SMOC1: variants seen among roughly 807,000 people sequenced by gnomAD.
The protein encoded by SMOC1 is SPARC related modular calcium binding 1, also known as SPARC-related modular calcium-binding protein 1.
In SMOC1, 22 loss-of-function variants were observed where a neutral mutation model predicts 56.3. That is an observed-to-expected ratio of 0.39 (90% confidence interval 0.28 to 0.56). SMOC1 has a LOEUF of 0.56. Among genes scored for constraint, SMOC1 ranks in the 20% least tolerant of loss-of-function variants. SMOC1 has a pLI of 0.61. For missense variants in SMOC1, 509 were observed against 565.4 expected (o/e 0.90, Z 1.01); for synonymous variants, 193 against 215.0 (o/e 0.90, Z 0.89).
intron 5 of SMOC1, among the ~76,000 whole-genome samples, chr14:69,987,123 G>A (rs1232130386): frequency 6.6e-6 from 1 of 152,242 alleles, no homozygotes; most frequent in African/African-American, 2.4e-5. Context: ...AGAATCACAT[G>A]TGGAGGGGGA....
At chr14:70,011,459 C>CGT in intron 8 of SMOC1, 26 bp from the exon 9 acceptor site, 1 of 1,326,800 alleles carries the variant, frequency 7.5e-7, no homozygotes, top group Non-Finnish European at 1.1e-6. Flanking sequence ...CCCCTCCCAA[C>CGT]CCCCCCCATA....
chr14:69,889,864 C>T (rs1252801371), intron 1 of SMOC1, among the ~76,000 whole-genome samples: 1 of 152,244 alleles, frequency 6.6e-6, no homozygotes, highest in East Asian at 1.9e-4. Flanking sequence ...TTGGCCAAAT[C>T]TTTCCTCATG....
chr14:69,965,287 A>C (rs1213855626), intron 3 of SMOC1, among the ~76,000 whole-genome samples: 2 of 150,544 alleles, frequency 1.3e-5, no homozygotes, highest in African/African-American at 5.0e-5. Context: ...AGGCTCAGGC[A>C]GGAGAATCGC....
intron 7 of SMOC1, among the ~76,000 whole-genome samples, chr14:70,008,996 C>G (rs1025642894): frequency 2.0e-5 from 3 of 152,200 alleles, no homozygotes; most frequent in African/African-American, 7.2e-5. Flanking sequence ...TGTCTCTTTC[C>G]TGTCTCTAGA....
intron 10 of SMOC1, among the ~76,000 whole-genome samples, chr14:70,020,121 A>G (rs1440103616): frequency 1.3e-5 from 2 of 150,794 alleles, no homozygotes; most frequent in Non-Finnish European, 2.9e-5. Context: ...ATTCCTCTAG[A>G]TCAAGGGTTT....
At chr14:69,981,705 A>G (rs1316273203) in intron 5 of SMOC1, among the ~76,000 whole-genome samples, 1 of 152,226 alleles carries the variant, frequency 6.6e-6, no homozygotes, top group African/African-American at 2.4e-5. Flanking sequence ...TTTGGTTTTC[A>G]CTGGAGTCAT....
chr14:69,967,850 C>T (rs1883626806), intron 3 of SMOC1, among the ~76,000 whole-genome samples: 1 of 152,176 alleles, frequency 6.6e-6, no homozygotes, highest in South Asian at 2.1e-4. Context: ...TGTTGCTTCT[C>T]AGCCAAACCT....
chr14:69,994,354 A>C, intron 6 of SMOC1, 46 bp from the exon 7 acceptor site: 3 of 1,453,998 alleles, frequency 2.1e-6, no homozygotes, highest in Non-Finnish European at 2.9e-6. Context: ...CCACTCACAT[A>C]GTCTCTTTGC....
rs115928226 is a variant in SMOC1 at position 69,993,490 on chromosome 14, A to T, written c.584-910A>T. 5.6e-3 allele frequency among the ~76,000 whole-genome samples: 849 copies of T among 152,322 alleles called. 11 individuals are homozygous for T. Among genetic ancestry groups the T allele is most frequent in the African/African-American group, 0.02 (812 of 41,562 alleles). On this transcript the variant is annotated intron_variant, in intron 6 of 11. Transcript: ENST00000361956. ...CTTTGAGCAGCTCCTAGCTAAGCGT[A>T]TCCAGCCCTGGATCATGAGACTGGG...
intron 6 of SMOC1, among the ~76,000 whole-genome samples, chr14:69,993,348 C>T (rs1489508052): frequency 6.6e-6 from 1 of 152,054 alleles, no homozygotes; most frequent in Non-Finnish European, 1.5e-5. Flanking sequence ...GGCCTGTACT[C>T]TAAAGTTTAC....
At chr14:69,891,356 A>G (rs1008736302) in intron 1 of SMOC1, among the ~76,000 whole-genome samples, 1 of 152,208 alleles carries the variant, frequency 6.6e-6, no homozygotes, top group African/African-American at 2.4e-5. Flanking sequence ...TCCTTTTTGT[A>G]TATATTAAGG....
At chr14:69,998,206 C>T (rs1369707264) in intron 7 of SMOC1, among the ~76,000 whole-genome samples, 4 of 152,160 alleles carry the variant, frequency 2.6e-5, no homozygotes, top group African/African-American at 9.7e-5. Flanking sequence ...TTGGCAGGTT[C>T]AGCATTGACA....
chr14:69,977,604 G>A (rs529848361), intron 4 of SMOC1, among the ~76,000 whole-genome samples: 121 of 152,272 alleles, frequency 7.9e-4, no homozygotes, highest in Non-Finnish European at 1.4e-3. Flanking sequence ...AAGGTGAGGG[G>A]CAGATATTGG....
intron 1 of SMOC1, among the ~76,000 whole-genome samples, chr14:69,919,912 C>CG (rs199923475): frequency 0.096 from 6,180 of 64,364 alleles, 493 homozygotes; most frequent in African/African-American, 0.27. Flanking sequence ...ACACAAATAC[C>CG]CCCCCCCCCC....
chr14:69,956,118 C>A (rs1883174983), intron 3 of SMOC1, among the ~76,000 whole-genome samples: 1 of 152,188 alleles, frequency 6.6e-6, no homozygotes, highest in Non-Finnish European at 1.5e-5. Flanking sequence ...TTAGTCCAGG[C>A]TAAATTGCTA....
At chr14:69,890,639 G>T (rs1883935362) in intron 1 of SMOC1, among the ~76,000 whole-genome samples, 1 of 152,228 alleles carries the variant, frequency 6.6e-6, no homozygotes, top group South Asian at 2.1e-4. Context: ...CAATTGGCCT[G>T]TATTCACGTT....
At chr14:69,895,604 T>C (rs1884074415) in intron 1 of SMOC1, among the ~76,000 whole-genome samples, 1 of 152,174 alleles carries the variant, frequency 6.6e-6, no homozygotes, top group African/African-American at 2.4e-5. Context: ...TTGGATACTT[T>C]CTCCCTGCAT....
At chr14:69,909,820 A>G (rs1049751481) in intron 1 of SMOC1, among the ~76,000 whole-genome samples, 1 of 152,220 alleles carries the variant, frequency 6.6e-6, no homozygotes, top group African/African-American at 2.4e-5. Context: ...TCTTCGGCCA[A>G]AGATAATTCT....
intron 1 of SMOC1, among the ~76,000 whole-genome samples, chr14:69,938,214 G>A (rs1882398356): frequency 1.3e-5 from 2 of 152,086 alleles, no homozygotes; most frequent in Admixed American, 6.5e-5. Flanking sequence ...TGTTATTACA[G>A]AGCCATGACA....
Sources: gnomAD v4.1 joint callset for allele counts (sites outside exome capture counted in the v4.1 genomes callset) on GRCh38, gnomAD v4.1.1 for gene constraint, MANE v1.5 for transcripts, NCBI Gene and HGNC (gene_info 2026-07-23, HGNC 2026-07-21) for gene names.